SPRY3: variants seen among roughly 807,000 people sequenced by gnomAD.
SPRY3 encodes protein sprouty homolog 3.
A neutral mutation model predicts 20.2 loss-of-function variants in SPRY3; 15 were observed. The ratio of observed to expected loss-of-function variants is 0.74; its 90% CI spans 0.50 to 1.14. The LOEUF (loss-of-function observed/expected upper bound fraction) is 1.14, where lower values mean the gene tolerates loss of function less well. Among genes scored for constraint, SPRY3 ranks in the 50% most tolerant of loss-of-function variants. The pLI, the probability that SPRY3 is intolerant of heterozygous loss-of-function variation, is 0.00. For synonymous variants in SPRY3, 143 were observed against 136.5 expected (o/e 1.05, Z -0.33); for missense variants, 364 against 363.9 (o/e 1.00, Z 0.00).
At chrX:155,745,198 A>AAATAGGC (rs1311325572) in intron 2 of SPRY3, among the ~76,000 whole-genome samples, 5 of 152,226 alleles carry the variant, frequency 3.3e-5, no homozygotes, top group African/African-American at 1.2e-4. Context: ...TTTAAATTAA[A>AAATAGGC]AATAGGCAAC....
downstream of SPRY3, chrX:155,779,064 T>G (rs1381746089): frequency 1.2e-5 from 2 of 167,044 alleles, no homozygotes; most frequent in Non-Finnish European, 2.9e-5. Flanking sequence ...CATATAAAAC[T>G]ACTACATCTC....
At chrX:155,615,291 T>C (rs782536308) in intron 1 of SPRY3, among the ~76,000 whole-genome samples, 3 of 112,872 alleles carry the variant, frequency 2.7e-5, no homozygotes, top group African/African-American at 9.6e-5. Flanking sequence ...TTGCATGGAC[T>C]ACTGTATTAA....
At chrX:155,628,633 C>T (rs183549513) in intron 1 of SPRY3, among the ~76,000 whole-genome samples, 131 of 112,425 alleles carry the variant, frequency 1.2e-3, no homozygotes, top group African/African-American at 3.8e-3. Flanking sequence ...TACCATCCCA[C>T]ACCAGTCAGA....
Position 155,657,829 on chromosome X carries a change from C to A in SPRY3, c.-282+804C>A, listed in dbSNP as rs923507133. Among the ~76,000 whole-genome samples the A allele has an allele frequency of 4.4e-5, 5 of 112,364 alleles. No homozygotes were observed. In the South Asian group the frequency reaches 1.8e-3, roughly 41 times the overall value. The stretch of plus-strand genomic sequence containing the variant: ...TAGTATCTGGGCTGGATATCACAGT[C>A]CCTCATGGCTTCCCTTGGCTAGGGG... On this transcript the variant is annotated intron_variant, in intron 2 of 3. Coordinates refer to ENST00000675360, the Ensembl canonical transcript of SPRY3.
chrX:155,613,507 A>G (rs1010892758), intron 1 of SPRY3, among the ~76,000 whole-genome samples: 2 of 112,293 alleles, frequency 1.8e-5, no homozygotes, highest in Admixed American at 9.4e-5. Flanking sequence ...AGTAAGAACA[A>G]CAAAAAAAAT....
chrX:155,753,220 A>G (rs1480535153), intron 2 of SPRY3, among the ~76,000 whole-genome samples: 2 of 151,912 alleles, frequency 1.3e-5, no homozygotes, highest in Non-Finnish European at 2.9e-5. Context: ...ATCAACCCAA[A>G]AAGAAACCCT....
chrX:155,749,809 A>G (rs1053786381), intron 2 of SPRY3, among the ~76,000 whole-genome samples: 2 of 151,922 alleles, frequency 1.3e-5, no homozygotes, highest in African/African-American at 4.8e-5. Flanking sequence ...GAGAATGAAG[A>G]GCTGAAGTTT....
chrX:155,717,711 C>T (rs745654589), intron 2 of SPRY3, among the ~76,000 whole-genome samples: 73 of 152,204 alleles, frequency 4.8e-4, no homozygotes, highest in Middle Eastern at 3.4e-3. Context: ...CCAGCTTCAT[C>T]CATGTCCCTG....
intron 2 of SPRY3, among the ~76,000 whole-genome samples, chrX:155,708,734 G>C (rs1457337064): frequency 2.0e-5 from 3 of 151,390 alleles, no homozygotes; most frequent in Non-Finnish European, 4.4e-5. Context: ...TTTATCCTTT[G>C]TGTTACAAAC....
intron 2 of SPRY3, among the ~76,000 whole-genome samples, chrX:155,704,161 A>C (rs2090931450): frequency 6.6e-6 from 1 of 151,896 alleles, no homozygotes; most frequent in African/African-American, 2.4e-5. Context: ...CCAAAGATAC[A>C]AGAAATATTC....
chrX:155,740,511 G>T (rs945830319), intron 2 of SPRY3, among the ~76,000 whole-genome samples: 2 of 152,062 alleles, frequency 1.3e-5, no homozygotes, highest in African/African-American at 4.8e-5. Context: ...ATAGACAGCC[G>T]CTCTGGGAGT....
intron 2 of SPRY3, among the ~76,000 whole-genome samples, chrX:155,727,933 T>A (rs1569388527): frequency 6.6e-6 from 1 of 152,196 alleles, no homozygotes; most frequent in Non-Finnish European, 1.5e-5. Flanking sequence ...CCCATCTTTG[T>A]GGTTTTATCT....
chrX:155,771,719 A>G (rs1007893557), intron 3 of SPRY3, among the ~76,000 whole-genome samples: 3 of 152,124 alleles, frequency 2.0e-5, no homozygotes, highest in East Asian at 1.9e-4. Flanking sequence ...TTCCTTTCCA[A>G]TGCTGAGACT....
chrX:155,648,141 G>C (rs1032539433), intron 1 of SPRY3, among the ~76,000 whole-genome samples: 1 of 111,355 alleles, frequency 9.0e-6, no homozygotes, highest in Non-Finnish European at 1.9e-5. Context: ...GCCCAATTTC[G>C]ATAGGGTTGT....
intron 1 of SPRY3, among the ~76,000 whole-genome samples, chrX:155,652,461 G>A (rs1557352478): frequency 1.8e-5 from 2 of 110,445 alleles, no homozygotes; most frequent in East Asian, 2.9e-4. Flanking sequence ...GAATTCAGTC[G>A]TTTTGACTTT....
chrX:155,755,431 A>G (rs2091280336), intron 2 of SPRY3, among the ~76,000 whole-genome samples: 1 of 151,996 alleles, frequency 6.6e-6, no homozygotes, highest in African/African-American at 2.4e-5. Context: ...AGTTGAGGGT[A>G]TGGGCTCTGG....
intron 2 of SPRY3, among the ~76,000 whole-genome samples, chrX:155,724,124 G>T (rs1324010291): frequency 6.6e-6 from 1 of 152,090 alleles, no homozygotes; most frequent in African/African-American, 2.4e-5. Context: ...TGAGGCCTCT[G>T]TTCTGTTCCA....
chrX:155,778,951 G>C (rs2124039781), downstream of SPRY3: 1 of 167,116 alleles, frequency 6.0e-6, no homozygotes, highest in African/African-American at 2.4e-5. Flanking sequence ...TAAGGAAAGG[G>C]TTAATGAGGG....
At chrX:155,751,095 G>C (rs1431643285) in intron 2 of SPRY3, among the ~76,000 whole-genome samples, 4 of 151,868 alleles carry the variant, frequency 2.6e-5, no homozygotes, top group Non-Finnish European at 5.9e-5. Context: ...GTCCCAGTAG[G>C]TTCAAGAAAA....
Sources: gnomAD v4.1 joint callset for allele counts (sites outside exome capture counted in the v4.1 genomes callset) on GRCh38, gnomAD v4.1.1 for gene constraint, MANE v1.5 for transcripts, NCBI Gene and HGNC (gene_info 2026-07-23, HGNC 2026-07-21) for gene names.